The following WDR25 variants were observed in gnomAD, a reference collection of about 807,000 sequenced individuals.
The protein encoded by WDR25 is WD repeat domain 25.
Under a neutral mutation model 47.7 loss-of-function variants are expected in WDR25, and 35 were observed. That is an observed-to-expected ratio of 0.73 (90% CI 0.56 to 0.97). The LOEUF (loss-of-function observed/expected upper bound fraction) is 0.97. Ranked by LOEUF, WDR25 falls within the 50% of genes least tolerant of loss-of-function variation. WDR25 has a pLI of 0.00. For synonymous variants in WDR25, 248 were observed against 278.9 expected, an observed-to-expected ratio of 0.89 and a Z score of 1.10; for missense variants, 634 against 704.7, an observed-to-expected ratio of 0.90 and a Z score of 1.14.
intron 2 of WDR25, among the ~76,000 whole-genome samples, chr14:100,458,564 A>G (rs547449042): frequency 1.3e-5 from 2 of 152,182 alleles, no homozygotes; most frequent in African/African-American, 2.4e-5. Flanking sequence ...AATTTGGCTT[A>G]ATTGACATTT....
At chr14:100,472,312 C>A (rs1329852942) in intron 3 of WDR25, among the ~76,000 whole-genome samples, 1 of 152,268 alleles carries the variant, frequency 6.6e-6, no homozygotes, top group African/African-American at 2.4e-5. Flanking sequence ...CCACCTGGGT[C>A]TACCTCCCAG....
At chr14:100,528,931 G>A in intron 5 of WDR25, 137 bp from the exon 6 acceptor site, 1 of 1,002,148 alleles carries the variant, frequency 1.0e-6, no homozygotes, top group Middle Eastern at 3.4e-4. Flanking sequence ...CACCAAGCTT[G>A]TGGTGATTTG....
rs775232071 is a variant in WDR25, at chr14:100,468,060, T to A, written c.862T>A (p.Tyr288Asn). ...AVDSGHCLQT[Y>N]SLHTEAVRAA... ...GGACTCCGGGCACTGCCTGCAGACC[T>A]ACTCCCTGCACACAGAGGCAGTGCG... is the stretch of plus-strand genomic sequence containing the variant. Residue 288 changes from tyrosine (Y) to asparagine (N), a missense_variant, in exon 3 of 7, where the codon TAC (tyrosine) becomes AAC (asparagine). Physicochemically the swap from Tyr to Asn is moderately radical, Grantham distance 143. Coordinates refer to ENST00000402312, the MANE Select transcript of WDR25 (RefSeq NM_001161476.3). The surrounding 1 kb of genome is among the most constrained non-coding windows in gnomAD (Gnocchi z 4.5). The A allele has an allele frequency of 2.5e-6, 4 of 1,613,446 alleles. No homozygotes were observed. In the Admixed American group the frequency reaches 6.7e-5, roughly 27 times the overall value.
At chr14:100,452,909 A>G (rs1326589814) in intron 2 of WDR25, among the ~76,000 whole-genome samples, 2 of 152,316 alleles carry the variant, frequency 1.3e-5, no homozygotes, top group South Asian at 2.1e-4. Flanking sequence ...TTGTGTGGCC[A>G]TCACCACCAT....
intron 4 of WDR25, among the ~76,000 whole-genome samples, chr14:100,518,830 G>A (rs1901598525): frequency 6.6e-6 from 1 of 151,540 alleles, no homozygotes; most frequent in Admixed American, 6.6e-5. Flanking sequence ...GGAGGCGGAA[G>A]TTGCAGTGAG....
In WDR25 at chr14:100,407,798, T is replaced by A. The variant is rs947319683; in HGVS notation, c.822+26052T>A. On this transcript the variant is annotated intron_variant, in intron 2 of 6. Coordinates refer to ENST00000402312, the MANE Select transcript of WDR25 (RefSeq NM_001161476.3). The surrounding 1 kb of genome is among the most constrained non-coding windows in gnomAD (Gnocchi z 4.1). ...TGGGTGCCAGAGATTAGAGCTGGGA[T>A]TGGAGATGTAGCCCGTCCCCGTTCA... 6.6e-6 allele frequency among the ~76,000 whole-genome samples: 1 copy of A among 152,046 alleles called. No homozygotes were observed. The highest frequency in any genetic ancestry group is 1.5e-5 in the Non-Finnish European group (1 of 67,980).
chr14:100,389,203 A>G (rs1043749122), intron 2 of WDR25, among the ~76,000 whole-genome samples: 1 of 152,248 alleles, frequency 6.6e-6, no homozygotes, highest in Non-Finnish European at 1.5e-5. Flanking sequence ...AAGATAAACC[A>G]TAGACCCTTC....
intron 2 of WDR25, among the ~76,000 whole-genome samples, chr14:100,414,059 A>T (rs1897794810): frequency 6.6e-6 from 1 of 150,654 alleles, no homozygotes; most frequent in South Asian, 2.1e-4. Context: ...GCAGTGGTGC[A>T]ATCTTGGCTC....
intron 2 of WDR25, among the ~76,000 whole-genome samples, chr14:100,433,935 C>A (rs1284610121): frequency 6.6e-6 from 1 of 151,852 alleles, no homozygotes; most frequent in African/African-American, 2.4e-5. Context: ...ATTTAGAAAC[C>A]AAGATTTTGG....
chr14:100,490,742 C>T (rs917678544), intron 4 of WDR25, among the ~76,000 whole-genome samples: 56 of 152,322 alleles, frequency 3.7e-4, no homozygotes, highest in Non-Finnish European at 7.6e-4. Flanking sequence ...GATTTGCACT[C>T]CTGTGATGGT....
At chr14:100,458,495 T>C (rs760191483) in intron 2 of WDR25, among the ~76,000 whole-genome samples, 1 of 152,128 alleles carries the variant, frequency 6.6e-6, no homozygotes, top group Non-Finnish European at 1.5e-5. Flanking sequence ...CAATAATCAA[T>C]AGATCAAGTA....
chr14:100,527,102 C>T (rs1044922318), intron 5 of WDR25, among the ~76,000 whole-genome samples: 13 of 151,272 alleles, frequency 8.6e-5, no homozygotes, highest in African/African-American at 2.7e-4. Context: ...CGATCACTGC[C>T]GTCATTACAC....
Position 100,521,203 on chromosome 14 carries a change from C to CAG in WDR25, c.1102-4653_1102-4652dup, listed in dbSNP as rs1555397228. On this transcript the variant is annotated intron_variant, in intron 4 of 6. Coordinates refer to ENST00000402312, the MANE Select transcript of WDR25 (RefSeq NM_001161476.3). ...AGACACACACACACACACACACACA[C>CAG]AGAGAGAGAGAGAGACAGAGAGAGA... Among the ~76,000 whole-genome samples, 491 of 150,070 alleles carry CAG rather than the reference C, an allele frequency of 3.3e-3. 2 individuals are homozygous for CAG. Among genetic ancestry groups the CAG allele is most frequent in the East Asian group, 0.028 (142 of 5,140 alleles).
chr14:100,469,170 T>C (rs1331651687), intron 3 of WDR25, among the ~76,000 whole-genome samples: 1 of 152,062 alleles, frequency 6.6e-6, no homozygotes, highest in Non-Finnish European at 1.5e-5. Context: ...CTCTGGGCCC[T>C]GCCTCTCCTA....
At chr14:100,429,368 TGAAA>T (rs1389171320) in intron 2 of WDR25, among the ~76,000 whole-genome samples, 1 of 151,164 alleles carries the variant, frequency 6.6e-6, no homozygotes, top group Non-Finnish European at 1.5e-5. Flanking sequence ...GGACCTGGAG[TGAAA>T]GAAAGAGGAG....
chr14:100,427,756 G>A (rs1449094148), intron 2 of WDR25, among the ~76,000 whole-genome samples: 2 of 152,252 alleles, frequency 1.3e-5, no homozygotes, highest in Admixed American at 1.3e-4. Flanking sequence ...CTTCTGGCAG[G>A]AGTGCTGGGT....
chr14:100,395,458 A>C (rs1376265563), intron 2 of WDR25, among the ~76,000 whole-genome samples: 1 of 152,150 alleles, frequency 6.6e-6, no homozygotes, highest in Admixed American at 6.6e-5. Flanking sequence ...TGCCCCCTTT[A>C]CAGATGACAA....
Position 100,446,876 on chromosome 14 carries a change from G to C in WDR25, c.823-21145G>C, listed in dbSNP as rs147341070. ...CACCGCATGGATGCAGGGATTCCTG[G>C]CTGTTAGTTACATGGCCAAGCAGCT... On this transcript the variant is annotated intron_variant, in intron 2 of 6. Coordinates refer to ENST00000402312, the MANE Select transcript of WDR25 (RefSeq NM_001161476.3). Among the ~76,000 whole-genome samples, 25 of 152,274 alleles carry C rather than the reference G, an allele frequency of 1.6e-4. 1 individual carries two copies. The highest frequency in any genetic ancestry group is 5.8e-4 in the African/African-American group (24 of 41,562).
chr14:100,448,998 C>T (rs138935592), intron 2 of WDR25, among the ~76,000 whole-genome samples: 35 of 152,072 alleles, frequency 2.3e-4, no homozygotes, highest in African/African-American at 8.0e-4. Flanking sequence ...GGGAAACGCA[C>T]CTAGAAAGTG....
Sources: allele counts gnomAD v4.1 joint callset (sites outside exome capture counted in the v4.1 genomes callset), GRCh38; gene constraint gnomAD v4.1.1; non-coding constraint Gnocchi (gnomAD v3.1); transcripts MANE v1.5; gene names NCBI Gene and HGNC (gene_info 2026-07-23, HGNC 2026-07-21).